KIRREL3: variants seen among roughly 807,000 people sequenced by gnomAD.
KIRREL3 encodes the protein kin of IRRE-like protein 3.
Under a neutral mutation model 89.7 loss-of-function variants are expected in KIRREL3, and 36 were observed. The ratio of observed to expected loss-of-function variants is 0.40; its 90% CI spans 0.31 to 0.53. KIRREL3 has a LOEUF of 0.53. KIRREL3 is among the 20% of genes least tolerant of loss of function. The probability of loss-of-function intolerance (pLI) is 0.49; values close to 1 mark genes in which losing one functional copy is unlikely to be tolerated. For synonymous variants in KIRREL3, 445 were observed against 441.4 expected, an observed-to-expected ratio of 1.01 and a Z score of -0.10; for missense variants, 864 against 1,056.6, an observed-to-expected ratio of 0.82 and a Z score of 2.53.
intron 1 of KIRREL3, among the ~76,000 whole-genome samples, chr11:126,690,111 C>A (rs1232993114): frequency 6.6e-6 from 1 of 152,204 alleles, no homozygotes; most frequent in Non-Finnish European, 1.5e-5. Flanking sequence ...GTCTCTCAAC[C>A]TCCCCAGTTT....
chr11:126,436,901 T>A lies in KIRREL3; in HGVS notation c.1462A>T (p.Ile488Phe). The A allele has an allele frequency of 6.2e-7, 1 of 1,613,592 alleles. No homozygotes were observed. ...GVISTLTISNIVRADFQTIYN... is the reference protein window; with the variant it reads ...GVISTLTISNFVRADFQTIYN... ...ATGGTCTGGAAGTCGGCCCGCACGATGTTGCTGATGGTCAGGGTGGAGATG... is the reference window on the plus strand; with the variant it reads ...ATGGTCTGGAAGTCGGCCCGCACGAAGTTGCTGATGGTCAGGGTGGAGATG... The change falls in exon 12 of 17, where the codon ATC (isoleucine) becomes TTC (phenylalanine). Residue 488 changes from isoleucine to phenylalanine, a missense_variant. Physicochemically the swap from Ile to Phe is conservative, Grantham distance 21 (BLOSUM62 0). Transcript: ENST00000525144.
In KIRREL3 at chr11:126,656,275, C is replaced by A. The variant is rs997583278; in HGVS notation, c.56-93363G>T. ...GTGAGATATCAGGCTGGTTTCTTAA[C>A]CATAACCTCCATGATTCAGTTTCTT... On this transcript the variant is annotated intron_variant, in intron 1 of 16. Transcript: ENST00000525144. This position sits in a 1 kb window ranked among gnomAD's most constrained non-coding sequence, Gnocchi z 4.0. 51 of 386,818 alleles carry A rather than the reference C, an allele frequency of 1.3e-4. No homozygotes were observed. Among genetic ancestry groups the A allele is most frequent in the African/African-American group, 9.2e-4 (44 of 47,636 alleles). The allele number at this position is 386,818 out of a possible 1,614,324, so 24.0% of individuals were successfully genotyped here.
chr11:126,981,751 G>A lies in KIRREL3; in HGVS notation c.55+18704C>T, dbSNP rs1007452489. ...GCCTGGGGAACTGGGGAAGGCCCCC[G>A]TTTCTACCAAAGAGGGCCTCTCTCC... On this transcript the variant is annotated intron_variant, in intron 1 of 16. Coordinates refer to ENST00000525144, the MANE Select transcript of KIRREL3 (RefSeq NM_032531.4). The surrounding 1 kb of genome is among the most constrained non-coding windows in gnomAD (Gnocchi z 4.2). 1.1e-4 allele frequency among the ~76,000 whole-genome samples: 17 copies of A among 152,116 alleles called. No homozygotes were observed. The highest frequency in any genetic ancestry group is 3.9e-4 in the Admixed American group (6 of 15,270).
chr11:126,598,029 C>G lies in KIRREL3; in HGVS notation c.56-35117G>C, dbSNP rs59856143. 5.8e-3 allele frequency among the ~76,000 whole-genome samples: 876 copies of G among 152,294 alleles called. 12 individuals are homozygous for G. The highest frequency in any genetic ancestry group is 0.02 in the African/African-American group (828 of 41,546). Reference sequence around the variant, plus strand: ...CTTGAGGTAATTTGAGCAGAGTGGACCACACCTCCTAGAGAAGAGATTTGG... The same window carrying G: ...CTTGAGGTAATTTGAGCAGAGTGGAGCACACCTCCTAGAGAAGAGATTTGG... On this transcript the variant is annotated intron_variant, in intron 1 of 16. Transcript: ENST00000525144.
In KIRREL3 at chr11:126,651,773, A is replaced by G. The variant is rs1422088126; in HGVS notation, c.56-88861T>C. ...TTATTTGTACTTGTACAAGGTCTTGAAACACATATTAGGAATGATTATACC... is the reference window on the plus strand; with the variant it reads ...TTATTTGTACTTGTACAAGGTCTTGGAACACATATTAGGAATGATTATACC... On this transcript the variant is annotated intron_variant, in intron 1 of 16. Transcript: ENST00000525144. The surrounding 1 kb of genome is among the most constrained non-coding windows in gnomAD (Gnocchi z 4.6). Among the ~76,000 whole-genome samples, 1 of 152,210 alleles carries G rather than the reference A, an allele frequency of 6.6e-6. No homozygotes were observed. Among genetic ancestry groups the G allele is most frequent in the Non-Finnish European group, 1.5e-5 (1 of 68,044 alleles).
At chr11:126,826,017 C>T (rs923580723) in intron 1 of KIRREL3, among the ~76,000 whole-genome samples, 3 of 152,160 alleles carry the variant, frequency 2.0e-5, no homozygotes, top group Non-Finnish European at 4.4e-5. Flanking sequence ...CAGAATTTGT[C>T]GAGTGCCGGT....
intron 1 of KIRREL3, among the ~76,000 whole-genome samples, chr11:126,679,990 T>A (rs932899182): frequency 6.6e-6 from 1 of 152,198 alleles, no homozygotes; most frequent in Admixed American, 6.5e-5. Flanking sequence ...ATTTGAAGAC[T>A]CAGAGCAAGG....
chr11:126,473,478 G>T lies in KIRREL3; in HGVS notation c.434-12C>A, dbSNP rs565299181. 18 of 1,538,114 alleles carry T rather than the reference G, an allele frequency of 1.2e-5. No homozygotes were observed. In the African/African-American group the frequency reaches 2.2e-4, roughly 18 times the overall value. On this transcript the variant is annotated splice_polypyrimidine_tract_variant and intron_variant, in intron 4 of 16. Transcript: ENST00000525144. Reference sequence around the variant, plus strand: ...GTCATCAGGCGGCACTGCGGGGAGAGAAGCAGTGAGGTCAGGCCGAGGCTC... The same window carrying T: ...GTCATCAGGCGGCACTGCGGGGAGATAAGCAGTGAGGTCAGGCCGAGGCTC...
rs143376111 is a variant in KIRREL3, at chr11:126,563,493, G to A, written c.56-581C>T. ...AAGAGCTCTCTCTACCTTTTGGAGA[G>A]GGTGCGTTTCTGGTGCTAGAGATTC... On this transcript the variant is annotated intron_variant, in intron 1 of 16. Coordinates refer to ENST00000525144, the MANE Select transcript of KIRREL3 (RefSeq NM_032531.4). The surrounding 1 kb of genome is among the most constrained non-coding windows in gnomAD (Gnocchi z 6.8). Among the ~76,000 whole-genome samples, 214 of 152,266 alleles carry A rather than the reference G, an allele frequency of 1.4e-3. 2 individuals are homozygous for A. Among genetic ancestry groups the A allele is most frequent in the South Asian group, 5.6e-3 (27 of 4,822 alleles).
chr11:126,437,134 A>ATACATACCCGTGTG, intron 11 of KIRREL3, 125 bp from the exon 12 acceptor site: 1 of 859,740 alleles, frequency 1.2e-6, no homozygotes, highest in Non-Finnish European at 1.7e-6. Flanking sequence ...ACACATGTGC[A>ATACATACCCGTGTG]CACGGGTATG....
In KIRREL3 at chr11:126,912,987, C is replaced by T. The variant is rs767474705; in HGVS notation, c.55+87468G>A. On this transcript the variant is annotated intron_variant, in intron 1 of 16. Coordinates refer to ENST00000525144, the MANE Select transcript of KIRREL3 (RefSeq NM_032531.4). The surrounding 1 kb of genome is among the most constrained non-coding windows in gnomAD (Gnocchi z 4.7). ...AATGCCTTAAGGAACCACGAGATCC[C>T]TTGAAGAGACTCAGCTGAGCACACG... Among the ~76,000 whole-genome samples, 1 of 152,184 alleles carries T rather than the reference C, an allele frequency of 6.6e-6. No homozygotes were observed. Among genetic ancestry groups the T allele is most frequent in the East Asian group, 1.9e-4 (1 of 5,192 alleles).
intron 1 of KIRREL3, among the ~76,000 whole-genome samples, chr11:126,738,737 C>G (rs3862646): frequency 1 from 152,208 of 152,338 alleles, 76,039 homozygotes; most frequent in Middle Eastern, 1. Flanking sequence ...GCAGGGCTCA[C>G]GACAAGAAGG....
rs1298382749 is a variant in KIRREL3 at position 126,685,067 on chromosome 11, G to A, written c.56-122155C>T. On this transcript the variant is annotated intron_variant, in intron 1 of 16. Coordinates refer to ENST00000525144, the MANE Select transcript of KIRREL3 (RefSeq NM_032531.4). This position sits in a 1 kb window ranked among gnomAD's most constrained non-coding sequence, Gnocchi z 5.5. ...TTCCTGTAGATGCTGGAGTGGAAAG[G>A]CAGGTTGGAGGAAATACAAAGATGA... Among the ~76,000 whole-genome samples, 1 of 152,150 alleles carries A rather than the reference G, an allele frequency of 6.6e-6. No homozygotes were observed. Among genetic ancestry groups the A allele is most frequent in the African/African-American group, 2.4e-5 (1 of 41,428 alleles).
At chr11:126,458,552 G>C (rs556695645) in intron 6 of KIRREL3, among the ~76,000 whole-genome samples, 1 of 152,338 alleles carries the variant, frequency 6.6e-6, no homozygotes, top group African/African-American at 2.4e-5. Flanking sequence ...AGGCACGGGA[G>C]CTGGCCTGAG....
Position 126,844,499 on chromosome 11 carries a change from G to T in KIRREL3, c.55+155956C>A, listed in dbSNP as rs1481696040. Among the ~76,000 whole-genome samples, 1 of 152,152 alleles carries T rather than the reference G, an allele frequency of 6.6e-6. No homozygotes were observed. The highest frequency in any genetic ancestry group is 1.5e-5 in the Non-Finnish European group (1 of 68,042). ...TAGGTGGTGGGGTACCCAGATAAAG[G>T]ATGGGATTGGGTTAGGGGCCCAACT... On this transcript the variant is annotated intron_variant, in intron 1 of 16. Transcript: ENST00000525144. This position sits in a 1 kb window ranked among gnomAD's most constrained non-coding sequence, Gnocchi z 4.8.
At position 126,686,543 on chromosome 11, in the gene KIRREL3, C is replaced by T. The variant is rs548811899; in HGVS notation, c.56-123631G>A. 4.6e-5 allele frequency among the ~76,000 whole-genome samples: 7 copies of T among 152,160 alleles called. No individual in the cohort carries two copies. The highest frequency in any genetic ancestry group is 3.4e-3 in the Middle Eastern group (1 of 294). ...GAGGGTGGGGAGGGACTGTGCGTTC[C>T]TGCGCATGTTACCCTACACTGAATT... is the stretch of plus-strand genomic sequence containing the variant. On this transcript the variant is annotated intron_variant, in intron 1 of 16. Transcript: ENST00000525144. This position sits in a 1 kb window ranked among gnomAD's most constrained non-coding sequence, Gnocchi z 4.7.
rs1337012224 is a variant in KIRREL3 at position 126,643,654 on chromosome 11, T to G, written c.56-80742A>C. Among the ~76,000 whole-genome samples, 1 of 152,188 alleles carries G rather than the reference T, an allele frequency of 6.6e-6. No individual in the cohort carries two copies. Among genetic ancestry groups the G allele is most frequent in the Non-Finnish European group, 1.5e-5 (1 of 68,024 alleles). ...AAGGCATAACTGTGGTTTAGGAAGA[T>G]CAATGTGGCAACACAATGAGTAGGA... On this transcript the variant is annotated intron_variant, in intron 1 of 16. Coordinates refer to ENST00000525144, the MANE Select transcript of KIRREL3 (RefSeq NM_032531.4). This position sits in a 1 kb window ranked among gnomAD's most constrained non-coding sequence, Gnocchi z 4.5.
In KIRREL3 at chr11:126,553,776, C is replaced by A. The variant is rs559402338; in HGVS notation, c.133+9059G>T. The stretch of plus-strand genomic sequence containing the variant: ...ATTGCCCTTCTGCCTGGCCACTCGG[C>A]CAGGCCATTGGTCACTGCCCATGAT... On this transcript the variant is annotated intron_variant, in intron 2 of 16. Transcript: ENST00000525144. This position sits in a 1 kb window ranked among gnomAD's most constrained non-coding sequence, Gnocchi z 4.7. Among the ~76,000 whole-genome samples, 1 of 152,296 alleles carries A rather than the reference C, an allele frequency of 6.6e-6. No individual in the cohort carries two copies.
chr11:126,922,714 G>GCAA (rs60734857), intron 1 of KIRREL3, among the ~76,000 whole-genome samples: 18,354 of 151,218 alleles, frequency 0.12, 1,172 homozygotes, highest in Middle Eastern at 0.16. Context: ...AGGAGCAGCA[G>GCAA]CAACAACAAC....
Sources: gnomAD v4.1 joint callset for allele counts (sites outside exome capture counted in the v4.1 genomes callset) on GRCh38, gnomAD v4.1.1 for gene constraint, Gnocchi (gnomAD v3.1) non-coding constraint, MANE v1.5 for transcripts, NCBI Gene and HGNC (gene_info 2026-07-23, HGNC 2026-07-21) for gene names.